Variants in TTC6 observed in about 807,000 individuals in gnomAD.
The protein encoded by TTC6 is tetratricopeptide repeat protein 6.
In TTC6, 172 loss-of-function variants were observed where a neutral mutation model predicts 210.4. That is an observed-to-expected ratio of 0.82 (90% CI 0.72 to 0.93). The LOEUF is 0.93. Ranked by LOEUF, TTC6 falls within the 40% of genes least tolerant of loss-of-function variation. The pLI is 0.00. For synonymous variants in TTC6, 804 were observed against 819.6 expected (o/e 0.98, Z 0.32); for missense variants, 2,414 against 2,318.1 (o/e 1.04, Z -0.85).
At chr14:37,749,988 T>A in intron 12 of TTC6, 145 bp downstream of exon 14, 1 of 456,492 alleles carries the variant, frequency 2.2e-6, no homozygotes, top group African/African-American at 2.0e-5. Context: ...CTTGTTATTG[T>A]AAATCCGGGG....
intron 14 of TTC6, among the ~76,000 whole-genome samples, chr14:37,771,632 C>T (rs906746987): frequency 9.9e-5 from 15 of 152,216 alleles, no homozygotes; most frequent in African/African-American, 1.7e-4. Context: ...ACGTAGTTCT[C>T]GAGCCTTGGT....
At chr14:37,771,152 A>G (rs1451830501) in intron 14 of TTC6, among the ~76,000 whole-genome samples, 1 of 152,022 alleles carries the variant, frequency 6.6e-6, no homozygotes, top group African/African-American at 2.4e-5. Flanking sequence ...TCTGGCTTAT[A>G]GGGTTTCTGC....
chr14:37,682,625 A>G (rs577655557), intron 2 of TTC6, 133 bp from the exon 5 acceptor site: 12 of 728,248 alleles, frequency 1.6e-5, no homozygotes, highest in Non-Finnish European at 2.6e-5. Flanking sequence ...TTCAGAGGAA[A>G]CTCATCACCT....
At chr14:37,728,417 CA>C (rs5807966) in intron 7 of TTC6, among the ~76,000 whole-genome samples, 1,669 of 148,052 alleles carry the variant, frequency 0.011, 27 homozygotes, top group African/African-American at 0.038. Context: ...CTATCACTAC[CA>C]AAAAAAAAAA....
chr14:37,645,864 C>T (rs177854), intron 1 of TTC6, among the ~76,000 whole-genome samples: 1 of 152,128 alleles, frequency 6.6e-6, no homozygotes, highest in African/African-American at 2.4e-5. Flanking sequence ...ATATTTTGCC[C>T]TTTTTAATAT....
intron 2 of TTC6, among the ~76,000 whole-genome samples, chr14:37,616,261 G>C (rs1266576012): frequency 6.6e-6 from 1 of 152,282 alleles, no homozygotes. Flanking sequence ...AGTGATGTTT[G>C]TTGTCTGGGC....
chr14:37,835,828 T>A (rs915548696), intron 29 of TTC6, among the ~76,000 whole-genome samples: 1 of 152,222 alleles, frequency 6.6e-6, no homozygotes, highest in Admixed American at 6.5e-5. Flanking sequence ...GCTTTGTATA[T>A]AATTCTCTCT....
At chr14:37,799,236 A>G (rs1460196805) in intron 20 of TTC6, among the ~76,000 whole-genome samples, 1 of 152,158 alleles carries the variant, frequency 6.6e-6, no homozygotes, top group Non-Finnish European at 1.5e-5. Context: ...ACTTTTTATC[A>G]GCTTCATTCC....
intron 24 of TTC6, among the ~76,000 whole-genome samples, chr14:37,809,522 A>C (rs1450220386): frequency 1.3e-5 from 2 of 152,014 alleles, no homozygotes; most frequent in Non-Finnish European, 2.9e-5. Flanking sequence ...AAAGTGCAGA[A>C]TTTTTAAAGC....
At chr14:37,805,131 A>T (rs2139406182) in intron 21 of TTC6, among the ~76,000 whole-genome samples, 1 of 152,300 alleles carries the variant, frequency 6.6e-6, no homozygotes, top group East Asian at 1.9e-4. Context: ...TCACTTATTA[A>T]ATTTTAAGTA....
intron 7 of TTC6, among the ~76,000 whole-genome samples, chr14:37,725,649 C>T (rs1322879830): frequency 1.3e-5 from 2 of 151,818 alleles, no homozygotes; most frequent in Non-Finnish European, 2.9e-5. Flanking sequence ...CATGCCTGGC[C>T]ATAGTTTTAT....
chr14:37,781,597 G>A (rs566730961), intron 14 of TTC6, among the ~76,000 whole-genome samples: 1 of 152,264 alleles, frequency 6.6e-6, no homozygotes, highest in Non-Finnish European at 1.5e-5. Flanking sequence ...TCTGATGGTA[G>A]TTTCTTTTGC....
intron 6 of TTC6, among the ~76,000 whole-genome samples, chr14:37,724,165 T>C (rs900232673): frequency 2.0e-5 from 3 of 152,120 alleles, no homozygotes; most frequent in Non-Finnish European, 4.4e-5. Flanking sequence ...AAAATAAAAA[T>C]TTAAAAATTA....
At chr14:37,814,170 A>G (rs1413803242) in intron 25 of TTC6, among the ~76,000 whole-genome samples, 2 of 152,204 alleles carry the variant, frequency 1.3e-5, no homozygotes, top group African/African-American at 4.8e-5. Context: ...CTTACTTGAT[A>G]TGACTGCTGC....
chr14:37,826,238 C>T, exon 28 of TTC6: 1 of 1,610,250 alleles, frequency 6.2e-7, no homozygotes, highest in Non-Finnish European at 8.5e-7. Flanking sequence ...TTTACCATTG[C>T]CATAGATACT....
At chr14:37,782,605 T>C (rs1005428224) in intron 14 of TTC6, among the ~76,000 whole-genome samples, 7 of 152,222 alleles carry the variant, frequency 4.6e-5, no homozygotes, top group Non-Finnish European at 1.0e-4. Flanking sequence ...TTTTCCTAAT[T>C]GAATACCCTT....
chr14:37,786,095 T>G (rs534885160), intron 14 of TTC6, among the ~76,000 whole-genome samples: 22 of 152,148 alleles, frequency 1.4e-4, no homozygotes, highest in Non-Finnish European at 2.9e-4. Context: ...GAGGTGGCAG[T>G]CTGTCCATTC....
chr14:37,821,772 CTTTTT>C (rs35078384), intron 26 of TTC6, among the ~76,000 whole-genome samples: 3 of 69,146 alleles, frequency 4.3e-5, no homozygotes, highest in African/African-American at 2.0e-4. Flanking sequence ...AAGAGCTAGT[CTTTTT>C]TTTTTTTTTT....
intron 5 of TTC6, among the ~76,000 whole-genome samples, chr14:37,710,191 A>C (rs931958416): frequency 1.3e-5 from 2 of 152,150 alleles, no homozygotes; most frequent in Non-Finnish European, 2.9e-5. Context: ...CCAAAGAGCA[A>C]GATAAATTTG....
Sources: gnomAD v4.1 joint callset for allele counts (sites outside exome capture counted in the v4.1 genomes callset) on GRCh38, gnomAD v4.1.1 for gene constraint, MANE v1.5 for transcripts, NCBI Gene and HGNC (gene_info 2026-07-23, HGNC 2026-07-21) for gene names.